The following AGBL4 variants were observed in gnomAD, a reference collection of about 807,000 sequenced individuals.
AGBL4 encodes AGBL carboxypeptidase 4, also known as cytosolic carboxypeptidase 6.
Under a neutral mutation model 66.4 loss-of-function variants are expected in AGBL4, and 58 were observed. The ratio of observed to expected loss-of-function variants is 0.87; its 90% CI spans 0.71 to 1.09. The LOEUF is 1.09. AGBL4 is among the 50% of genes least tolerant of loss of function. AGBL4 has a pLI of 0.00. For missense variants in AGBL4, 579 were observed against 631.0 expected (o/e 0.92, Z 0.88); for synonymous variants, 234 against 222.9 (o/e 1.05, Z -0.44).
chr1:48,846,402 A>AAAG (rs1185050396), intron 6 of AGBL4, among the ~76,000 whole-genome samples: 8 of 151,250 alleles, frequency 5.3e-5, no homozygotes, highest in Non-Finnish European at 1.5e-5. Context: ...AGAAAGAAAG[A>AAAG]AAGAAAGAAA....
chr1:49,258,879 G>C (rs1156801299), intron 3 of AGBL4, among the ~76,000 whole-genome samples: 1 of 152,140 alleles, frequency 6.6e-6, no homozygotes, highest in Non-Finnish European at 1.5e-5. Flanking sequence ...TTGCAATGAA[G>C]TAAAAAATCT....
intron 4 of AGBL4, among the ~76,000 whole-genome samples, chr1:49,122,206 A>G (rs777581085): frequency 6.6e-6 from 1 of 152,092 alleles, no homozygotes; most frequent in Non-Finnish European, 1.5e-5. Flanking sequence ...CTCGCCCTCC[A>G]TGGGCTGCAT....
intron 3 of AGBL4, among the ~76,000 whole-genome samples, chr1:49,548,784 G>A (rs569853977): frequency 6.6e-6 from 1 of 152,234 alleles, no homozygotes; most frequent in Admixed American, 6.5e-5. Flanking sequence ...GGTGATGCTG[G>A]CTTCATAGAA....
chr1:48,536,014 A>C (rs1159252993), intron 12 of AGBL4, among the ~76,000 whole-genome samples: 2 of 152,158 alleles, frequency 1.3e-5, no homozygotes, highest in African/African-American at 2.4e-5. Flanking sequence ...CCAGACATGC[A>C]TAGAAGCCAT....
intron 6 of AGBL4, among the ~76,000 whole-genome samples, chr1:48,827,238 T>A (rs1316179605): frequency 6.6e-6 from 1 of 152,240 alleles, no homozygotes; most frequent in Non-Finnish European, 1.5e-5. Flanking sequence ...TGTCTCTGCA[T>A]CTTTACTGAC....
chr1:49,517,778 C>A (rs1238021103), intron 3 of AGBL4, among the ~76,000 whole-genome samples: 1 of 151,884 alleles, frequency 6.6e-6, no homozygotes, highest in East Asian at 1.9e-4. Context: ...ATATAACAAT[C>A]TTTTAATGAT....
chr1:49,913,209 G>A (rs1651033965), intron 1 of AGBL4, among the ~76,000 whole-genome samples: 1 of 152,162 alleles, frequency 6.6e-6, no homozygotes, highest in Non-Finnish European at 1.5e-5. Flanking sequence ...TTCTTCCTGA[G>A]GCAAATTCCC....
At chr1:49,005,194 A>T (rs1344750815) in intron 5 of AGBL4, among the ~76,000 whole-genome samples, 1 of 152,240 alleles carries the variant, frequency 6.6e-6, no homozygotes, top group Admixed American at 6.5e-5. Flanking sequence ...TGAAAGTCAC[A>T]TTCAACTCTG....
intron 11 of AGBL4, among the ~76,000 whole-genome samples, chr1:48,567,218 C>T (rs998789657): frequency 2.0e-5 from 3 of 152,156 alleles, no homozygotes; most frequent in East Asian, 3.9e-4. Flanking sequence ...TGTCAGAGCA[C>T]CTGTAATTTG....
At chr1:49,278,765 G>A (rs1034605161) in intron 3 of AGBL4, among the ~76,000 whole-genome samples, 6 of 151,988 alleles carry the variant, frequency 3.9e-5, no homozygotes, top group Admixed American at 3.9e-4. Context: ...GAAGGAATCA[G>A]TCACTCCACA....
At chr1:48,630,261 A>G (rs1378649786) in intron 9 of AGBL4, among the ~76,000 whole-genome samples, 1 of 152,222 alleles carries the variant, frequency 6.6e-6, no homozygotes, top group Non-Finnish European at 1.5e-5. Flanking sequence ...CAGCCTTTGA[A>G]GTCAATGTCA....
intron 3 of AGBL4, among the ~76,000 whole-genome samples, chr1:49,372,601 TTTTCTTTTTC>T (rs1289096307): frequency 3.4e-5 from 5 of 148,744 alleles, no homozygotes; most frequent in Admixed American, 1.4e-4. Context: ...TTTCTTTTCT[TTTTCTTTTTC>T]TTTCTTTCTT....
chr1:48,590,212 C>A (rs1644891115), intron 10 of AGBL4, among the ~76,000 whole-genome samples: 1 of 152,066 alleles, frequency 6.6e-6, no homozygotes, highest in South Asian at 2.1e-4. Flanking sequence ...CGAGAGCAGC[C>A]AGACCAACAT....
chr1:49,099,920 T>C (rs1229044100), intron 4 of AGBL4, among the ~76,000 whole-genome samples: 1 of 152,182 alleles, frequency 6.6e-6, no homozygotes, highest in African/African-American at 2.4e-5. Flanking sequence ...CTCTTTAATA[T>C]ATGCACACAA....
chr1:49,609,766 T>C lies in AGBL4; in HGVS notation c.282+87547A>G, dbSNP rs1645121835. ...CCACCACATACCCTCAAGTAGGCCC[T>C]GGTGTCTATTGTTTGCTTTGTGTCC... On this transcript the variant is annotated intron_variant, in intron 3 of 13. Coordinates refer to ENST00000371839, the MANE Select transcript of AGBL4 (RefSeq NM_032785.4). Among the ~76,000 whole-genome samples, 4 of 152,274 alleles carry C rather than the reference T, an allele frequency of 2.6e-5. No individual in the cohort carries two copies. In the South Asian group the frequency reaches 8.3e-4, roughly 32 times the overall value.
intron 4 of AGBL4, among the ~76,000 whole-genome samples, chr1:49,134,724 T>C (rs896023072): frequency 2.0e-5 from 3 of 151,948 alleles, no homozygotes; most frequent in Non-Finnish European, 4.4e-5. Flanking sequence ...ACACATGCTT[T>C]ATGAACAATT....
At chr1:48,545,117 A>C (rs1171195905) in intron 11 of AGBL4, among the ~76,000 whole-genome samples, 1 of 152,174 alleles carries the variant, frequency 6.6e-6, no homozygotes, top group Admixed American at 6.5e-5. Context: ...GAGAAGCCTG[A>C]TCCCTTTCTC....
At chr1:48,764,589 A>G (rs1644440153) in intron 6 of AGBL4, among the ~76,000 whole-genome samples, 1 of 152,208 alleles carries the variant, frequency 6.6e-6, no homozygotes, top group Non-Finnish European at 1.5e-5. Flanking sequence ...CTAGAAAATA[A>G]GTGGCCTTGA....
At chr1:48,991,473 T>G (rs1048294686) in intron 5 of AGBL4, among the ~76,000 whole-genome samples, 1 of 152,172 alleles carries the variant, frequency 6.6e-6, no homozygotes, top group Non-Finnish European at 1.5e-5. Context: ...TGGTTAAATA[T>G]GCTAGGTGTT....
Sources: gnomAD v4.1 joint callset for allele counts (sites outside exome capture counted in the v4.1 genomes callset) on GRCh38, gnomAD v4.1.1 for gene constraint, MANE v1.5 for transcripts, NCBI Gene and HGNC (gene_info 2026-07-23, HGNC 2026-07-21) for gene names.